SGPP2: variants seen among roughly 807,000 people sequenced by gnomAD.
SGPP2 encodes the protein sphingosine 1-phosphate phosphohydrolase 2.
SGPP2 carries 30 observed loss-of-function variants against 33.9 expected under a neutral mutation model. The observed-to-expected ratio is 0.89, with a 90% confidence interval of 0.66 to 1.20. The LOEUF is 1.20. Among genes scored for constraint, SGPP2 ranks in the 50% most tolerant of loss-of-function variants. The pLI is 0.00. For missense variants in SGPP2, 458 were observed against 532.1 expected, an observed-to-expected ratio of 0.86 and a Z score of 1.37; for synonymous variants, 233 against 225.0, an observed-to-expected ratio of 1.04 and a Z score of -0.32.
chr2:222,469,251 TC>T (rs1697801993), intron 1 of SGPP2, among the ~76,000 whole-genome samples: 3 of 152,200 alleles, frequency 2.0e-5, no homozygotes, highest in Non-Finnish European at 4.4e-5. Context: ...TGGCGTGATC[TC>T]GGCTCACCGC....
upstream of SGPP2, chr2:222,424,535 G>A (rs1481125087): frequency 1.4e-5 from 15 of 1,086,726 alleles, no homozygotes; most frequent in Non-Finnish European, 1.7e-5. Flanking sequence ...CGAGGCGGGA[G>A]TGGCGGTGCC....
At chr2:222,457,748 A>G (rs1697593632) in intron 1 of SGPP2, among the ~76,000 whole-genome samples, 1 of 152,206 alleles carries the variant, frequency 6.6e-6, no homozygotes, top group African/African-American at 2.4e-5. Flanking sequence ...ATGAACAGCC[A>G]TCCTCAACCA....
intron 2 of SGPP2, among the ~76,000 whole-genome samples, chr2:222,488,602 G>A (rs1224883664): frequency 3.3e-5 from 5 of 152,150 alleles, no homozygotes; most frequent in African/African-American, 1.2e-4. Context: ...CCTATCCTAA[G>A]TTTGAGTCAC....
At chr2:222,468,168 G>T (rs55975168) in intron 1 of SGPP2, among the ~76,000 whole-genome samples, 11,681 of 151,954 alleles carry the variant, frequency 0.077, 558 homozygotes, top group East Asian at 0.12. Context: ...TTACTGAACT[G>T]CTCTGCTCTG....
intron 1 of SGPP2, among the ~76,000 whole-genome samples, chr2:222,440,922 A>G (rs187543107): frequency 1.3e-5 from 2 of 152,270 alleles, no homozygotes; most frequent in East Asian, 3.9e-4. Context: ...ACTCCCTTCT[A>G]CTTTTTCACA....
At position 222,465,405 on chromosome 2, in the gene SGPP2, G is replaced by A. The variant is rs1697730186; in HGVS notation, c.220-9163G>A. ...CATCATTTAATTTTCTTTATAGGTT[G>A]GAAAGTCTTGATTCTCTTAAAAAAA... On this transcript the variant is annotated intron_variant, in intron 1 of 4. Coordinates refer to ENST00000321276, the MANE Select transcript of SGPP2 (RefSeq NM_152386.4). The surrounding 1 kb of genome is among the most constrained non-coding windows in gnomAD (Gnocchi z 4.1). Among the ~76,000 whole-genome samples, 1 of 121,070 alleles carries A rather than the reference G, an allele frequency of 8.3e-6. No homozygotes were observed. 79.4% of individuals were successfully genotyped at this position (121,070 alleles called of 152,430 possible).
chr2:222,442,172 A>C (rs908369631), intron 1 of SGPP2, among the ~76,000 whole-genome samples: 5 of 152,190 alleles, frequency 3.3e-5, no homozygotes, highest in Non-Finnish European at 7.4e-5. Context: ...ACAGATGTTG[A>C]ATGTTATATC....
chr2:222,467,950 G>GAAAAAAAAAAAAA lies in SGPP2; in HGVS notation c.220-6592_220-6580dup, dbSNP rs61253653. Among the ~76,000 whole-genome samples, 7 of 24,854 alleles carry GAAAAAAAAAAAAA rather than the reference G, an allele frequency of 2.8e-4. 2 individuals are homozygous for GAAAAAAAAAAAAA. The highest frequency in any genetic ancestry group is 2.5e-3 in the Admixed American group (3 of 1,200). 16.3% of individuals were successfully genotyped at this position (24,854 alleles called of 152,430 possible). A position where few individuals can be genotyped will look rare whatever the true frequency, so the allele number is the denominator to read the frequency against. On this transcript the variant is annotated intron_variant, in intron 1 of 4. Coordinates refer to ENST00000321276, the MANE Select transcript of SGPP2 (RefSeq NM_152386.4). ...AAATGTATATTTAAAGCTCTAATCTGAAAAAAAAAAAAAAAAAAAAAAAAA... is the reference window on the plus strand; with the variant it reads ...AAATGTATATTTAAAGCTCTAATCTGAAAAAAAAAAAAAAAAAAAAAAAAAAAAAAAAAAAAAA...
At chr2:222,432,378 G>T (rs1021513160) in intron 1 of SGPP2, among the ~76,000 whole-genome samples, 1 of 152,236 alleles carries the variant, frequency 6.6e-6, no homozygotes, top group African/African-American at 2.4e-5. Flanking sequence ...GGTTTCTTAA[G>T]ACAGAGGTTG....
In SGPP2 at chr2:222,550,741, T is replaced by A. The variant is rs1396031891; in HGVS notation, c.649-7606T>A. ...TTTATTGTTCTAGAGTCTTTCTTAT[T>A]ATGATGTATGTTCCATACTTTCTGC... On this transcript the variant is annotated intron_variant, in intron 4 of 4. Coordinates refer to ENST00000321276, the MANE Select transcript of SGPP2 (RefSeq NM_152386.4). This position sits in a 1 kb window ranked among gnomAD's most constrained non-coding sequence, Gnocchi z 4.5. Among the ~76,000 whole-genome samples the A allele has an allele frequency of 1.3e-5, 2 of 152,234 alleles. No individual in the cohort carries two copies. Among genetic ancestry groups the A allele is most frequent in the Non-Finnish European group, 2.9e-5 (2 of 68,036 alleles).
At chr2:222,431,993 A>C (rs1457968164) in intron 1 of SGPP2, among the ~76,000 whole-genome samples, 1 of 152,250 alleles carries the variant, frequency 6.6e-6, no homozygotes, top group Admixed American at 6.5e-5. Flanking sequence ...GTGTGATAAT[A>C]CAGCTGCAGT....
chr2:222,556,437 C>G (rs925181970), intron 4 of SGPP2, among the ~76,000 whole-genome samples: 1 of 148,070 alleles, frequency 6.8e-6, no homozygotes, highest in African/African-American at 2.5e-5. Flanking sequence ...AGTCTCCCCC[C>G]AACCCCGGCT....
intron 2 of SGPP2, among the ~76,000 whole-genome samples, chr2:222,483,239 T>C (rs1475157969): frequency 1.3e-5 from 2 of 152,244 alleles, no homozygotes; most frequent in Non-Finnish European, 2.9e-5. Context: ...GTCTGCTGTT[T>C]TGTATTCAAC....
At chr2:222,474,530 G>A (rs376481692) in intron 1 of SGPP2, 38 bp from the exon 2 acceptor site, 1 of 1,594,840 alleles carries the variant, frequency 6.3e-7, no homozygotes, top group South Asian at 1.1e-5. Context: ...TTGACATATT[G>A]CATGAACTCA....
chr2:222,463,033 CATTGGGGA>C lies in SGPP2; in HGVS notation c.220-11533_220-11526del, dbSNP rs1365160332. Among the ~76,000 whole-genome samples, 6 of 152,328 alleles carry C rather than the reference CATTGGGGA, an allele frequency of 3.9e-5. No homozygotes were observed. In the South Asian group the frequency reaches 8.3e-4, roughly 21 times the overall value. Reference sequence around the variant, plus strand: ...TTAAACTTCCTCAGCGACAGCCTCCCATTGGGGAACTACAGTGTGAAAATGTGACGGAA... The same window carrying C: ...TTAAACTTCCTCAGCGACAGCCTCCCACTACAGTGTGAAAATGTGACGGAA... On this transcript the variant is annotated intron_variant, in intron 1 of 4. Coordinates refer to ENST00000321276, the MANE Select transcript of SGPP2 (RefSeq NM_152386.4).
At chr2:222,525,474 C>T (rs774123560) in intron 4 of SGPP2, among the ~76,000 whole-genome samples, 27 of 152,122 alleles carry the variant, frequency 1.8e-4, no homozygotes, top group African/African-American at 7.2e-5. Context: ...CAGAGGAGCC[C>T]GGTATCACGG....
chr2:222,526,592 T>C (rs1698762119), intron 4 of SGPP2, among the ~76,000 whole-genome samples: 1 of 152,222 alleles, frequency 6.6e-6, no homozygotes, highest in Admixed American at 6.5e-5. Context: ...GGGGCTACTG[T>C]TTAATTTCTG....
intron 1 of SGPP2, among the ~76,000 whole-genome samples, chr2:222,427,679 T>TCAAA (rs1189192768): frequency 6.6e-6 from 1 of 152,224 alleles, no homozygotes; most frequent in African/African-American, 2.4e-5. Context: ...TTAGGACCCT[T>TCAAA]CAAACAATAG....
intron 1 of SGPP2, among the ~76,000 whole-genome samples, chr2:222,447,381 A>C (rs1039398524): frequency 6.6e-6 from 1 of 152,152 alleles, no homozygotes; most frequent in Non-Finnish European, 1.5e-5. Context: ...GTTTGGCCTG[A>C]GTTTGAGTTC....
Sources: allele counts gnomAD v4.1 joint callset (sites outside exome capture counted in the v4.1 genomes callset), GRCh38; gene constraint gnomAD v4.1.1; non-coding constraint Gnocchi (gnomAD v3.1); transcripts MANE v1.5; gene names NCBI Gene and HGNC (gene_info 2026-07-23, HGNC 2026-07-21).